Variants in YTHDF1 observed in about 807,000 individuals in gnomAD.
The protein encoded by YTHDF1 is YTH domain-containing family protein 1.
Under a neutral mutation model 49.1 loss-of-function variants are expected in YTHDF1, and 16 were observed. That is an observed-to-expected ratio of 0.33 (90% CI 0.22 to 0.49). The LOEUF (loss-of-function observed/expected upper bound fraction) is 0.49, where lower values mean the gene tolerates loss of function less well. YTHDF1 is among the 20% of genes least tolerant of loss of function. YTHDF1 has a pLI of 0.99. For synonymous variants in YTHDF1, 313 were observed against 290.1 expected (o/e 1.08, Z -0.80); for missense variants, 621 against 744.3 (o/e 0.83, Z 1.93).
chr20:63,212,949 A>C (rs898546124), intron 3 of YTHDF1, among the ~76,000 whole-genome samples: 22 of 152,248 alleles, frequency 1.4e-4, no homozygotes, highest in Non-Finnish European at 2.9e-4. Flanking sequence ...GAATTACCTA[A>C]GAAAACAGGG....
At chr20:63,207,972 C>CA (rs1237981630) in intron 3 of YTHDF1, among the ~76,000 whole-genome samples, 2 of 148,056 alleles carry the variant, frequency 1.4e-5, no homozygotes, top group Non-Finnish European at 3.0e-5. Context: ...GCCTGGGTGA[C>CA]AGAGTGAGAC....
chr20:63,197,340 C>G (rs1359244661), intron 4 of YTHDF1, among the ~76,000 whole-genome samples: 1 of 152,208 alleles, frequency 6.6e-6, no homozygotes, highest in Non-Finnish European at 1.5e-5. Flanking sequence ...TGCCCCTCCC[C>G]ACTCCCCCAC....
chr20:63,200,962 T>C (rs1300904592), intron 4 of YTHDF1, among the ~76,000 whole-genome samples: 1 of 150,620 alleles, frequency 6.6e-6, no homozygotes, highest in Non-Finnish European at 1.5e-5. Context: ...GGACAATCAC[T>C]CGAACCCAGG....
Position 63,206,914 on chromosome 20 carries a change from AG to A in YTHDF1, c.133-3108del, listed in dbSNP as rs557098517. On this transcript the variant is annotated intron_variant, in intron 3 of 4. Transcript: ENST00000370339. ...GCTGCCCCACACTCCTTCCCTGGTG[AG>A]GGAAGCTGTCCCATTCACAGTCCTG... 4.3e-4 allele frequency among the ~76,000 whole-genome samples: 63 copies of A among 147,492 alleles called. No individual in the cohort carries two copies. In the South Asian group the frequency reaches 0.012, roughly 29 times the overall value.
intron 4 of YTHDF1, among the ~76,000 whole-genome samples, chr20:63,198,554 C>G (rs1471833780): frequency 6.6e-6 from 1 of 152,114 alleles, no homozygotes; most frequent in Admixed American, 6.5e-5. Context: ...CCCCAGATCC[C>G]CATCTCCCTT....
At chr20:63,207,853 T>C (rs572141528) in intron 3 of YTHDF1, among the ~76,000 whole-genome samples, 1 of 152,146 alleles carries the variant, frequency 6.6e-6, no homozygotes, top group East Asian at 1.9e-4. Context: ...AAACCGGGTA[T>C]GGTGGCAGGC....
rs547641192 is a variant in YTHDF1, at chr20:63,202,323, G to A, written c.1617C>T (p.Tyr539=). The A allele has an allele frequency of 1.2e-5, 20 of 1,614,176 alleles. No individual in the cohort carries two copies. Among genetic ancestry groups the A allele is most frequent in the South Asian group, 5.5e-5 (5 of 91,088 alleles). Residue 539 remains tyrosine (Y), a synonymous_variant, in exon 4 of 5, where the codon TAC becomes TAT. Coordinates refer to ENST00000370339, the MANE Select transcript of YTHDF1 (RefSeq NM_017798.4). ...CCTCCTCCTCCTCCTGGCGCTTCTC[G>A]TAGTGAGCAAAGTCGTCGAAGATGG... The part of the protein sequence containing the change: ...TTSIFDDFAH[Y]EKRQEEEEVV...
In YTHDF1 at chr20:63,197,602, G is replaced by T. The variant is rs531557191; in HGVS notation, c.1654-868C>A. ...CTCTGCTAGAGAGGTGTCCCAGGCC[G>T]AGTGTGGTGGCGCACCCTGTAATCC... is the stretch of plus-strand genomic sequence containing the variant. On this transcript the variant is annotated intron_variant, in intron 4 of 4. Transcript: ENST00000370339. Among the ~76,000 whole-genome samples, 4 of 152,290 alleles carry T rather than the reference G, an allele frequency of 2.6e-5. No individual in the cohort carries two copies. The South Asian group carries it at 6.2e-4, about 24-fold the overall frequency.
rs1033373991 is a variant in YTHDF1, at chr20:63,196,851, G to A, written c.1654-117C>T. 11 of 1,194,192 alleles carry A rather than the reference G, an allele frequency of 9.2e-6. No individual in the cohort carries two copies. The East Asian group carries it at 2.5e-4, about 27-fold the overall frequency. The allele number at this position is 1,194,192 out of a possible 1,614,324, so 74.0% of individuals were successfully genotyped here. A position where few individuals can be genotyped will look rare whatever the true frequency, so the allele number is the denominator to read the frequency against. On this transcript the variant is annotated intron_variant, in intron 4 of 4. Transcript: ENST00000370339. ...CCTGCAAATCTGGAGGCGGGACCCTGAATGGTACCCAAGCCACACCAGCAC... is the reference window on the plus strand; with the variant it reads ...CCTGCAAATCTGGAGGCGGGACCCTAAATGGTACCCAAGCCACACCAGCAC...
rs1328085152 is a variant in YTHDF1, at chr20:63,202,921, T to G, written c.1019A>C (p.Gln340Pro). Residue 340 changes from glutamine to proline, a missense_variant, in exon 4 of 5, where the codon CAG becomes CCG. This residue lies in a region of YTHDF1 where 470 missense variants were observed against 495.8 expected (regional missense o/e 0.95). Coordinates refer to ENST00000370339, the MANE Select transcript of YTHDF1 (RefSeq NM_017798.4). ...GCTATCGCTGCCAGCCCCTCCGCTC[T>G]GCCCAAACGCCGCGTTTCTGTTGCG... The part of the protein sequence containing the change: ...APRNRNAAFG[Q>P]SGGAGSDSNS... 2 of 1,614,098 alleles carry G rather than the reference T, an allele frequency of 1.2e-6. No individual in the cohort carries two copies. The highest frequency in any genetic ancestry group is 8.5e-7 in the Non-Finnish European group (1 of 1,180,044).
chr20:63,208,731 A>C (rs1218420000), intron 3 of YTHDF1, among the ~76,000 whole-genome samples: 1 of 152,240 alleles, frequency 6.6e-6, no homozygotes. Context: ...AGATGCAGCC[A>C]CAAGAAACTG....
chr20:63,198,625 A>G (rs2066503260), intron 4 of YTHDF1, among the ~76,000 whole-genome samples: 1 of 134,142 alleles, frequency 7.5e-6, no homozygotes, highest in African/African-American at 3.0e-5. Flanking sequence ...TATTCCTCAT[A>G]AAATTTCTCA....
chr20:63,196,748 A>C lies in YTHDF1; in HGVS notation c.1654-14T>G. ...ACTCTGCCGTTCCTGTAAAAAGAAAAAACAAAAGTTGAACGCAGAGTAACC... is the reference window on the plus strand; with the variant it reads ...ACTCTGCCGTTCCTGTAAAAAGAAACAACAAAAGTTGAACGCAGAGTAACC... On this transcript the variant is annotated splice_polypyrimidine_tract_variant and intron_variant, in intron 4 of 4. Transcript: ENST00000370339. 1 of 1,613,800 alleles carries C rather than the reference A, an allele frequency of 6.2e-7. No homozygotes were observed. The highest frequency in any genetic ancestry group is 8.5e-7 in the Non-Finnish European group (1 of 1,179,980).
chr20:63,214,507 G>A (rs1396200147), intron 2 of YTHDF1, among the ~76,000 whole-genome samples: 1 of 152,196 alleles, frequency 6.6e-6, no homozygotes, highest in Non-Finnish European at 1.5e-5. Context: ...GACAACATGT[G>A]CCCAAGGTAG....
chr20:63,199,023 ATC>A (rs1175971678), intron 4 of YTHDF1, among the ~76,000 whole-genome samples: 4 of 152,256 alleles, frequency 2.6e-5, no homozygotes, highest in African/African-American at 9.6e-5. Flanking sequence ...CTGGACAGCA[ATC>A]TTGCAAAATG....
intron 3 of YTHDF1, among the ~76,000 whole-genome samples, chr20:63,210,315 G>C (rs2066568117): frequency 6.6e-6 from 1 of 152,178 alleles, no homozygotes; most frequent in South Asian, 2.1e-4. Flanking sequence ...TGTTGGTCAG[G>C]GAGTGTGCAG....
At chr20:63,214,837 T>C (rs969093575) in intron 2 of YTHDF1, among the ~76,000 whole-genome samples, 3 of 152,200 alleles carry the variant, frequency 2.0e-5, no homozygotes, top group Admixed American at 6.5e-5. Context: ...TTTTCAGGAA[T>C]AGAATGGGAG....
chr20:63,204,870 T>C (rs969879319), intron 3 of YTHDF1, among the ~76,000 whole-genome samples: 6 of 151,988 alleles, frequency 3.9e-5, no homozygotes, highest in African/African-American at 1.5e-4. Context: ...CAACACTGCC[T>C]TAAAATGACT....
chr20:63,208,353 A>T (rs769560812), intron 3 of YTHDF1, among the ~76,000 whole-genome samples: 61 of 152,330 alleles, frequency 4.0e-4, no homozygotes, highest in Non-Finnish European at 7.2e-4. Flanking sequence ...AGCAGCTCTG[A>T]CCCAGGACTG....
Sources: gnomAD v4.1 joint callset for allele counts (sites outside exome capture counted in the v4.1 genomes callset) on GRCh38, gnomAD v4.1.1 for gene constraint, gnomAD v4.1.1 regional missense constraint, MANE v1.5 for transcripts, NCBI Gene and HGNC (gene_info 2026-07-23, HGNC 2026-07-21) for gene names.